Variants in SLC45A4 observed in about 807,000 individuals in gnomAD.
The protein encoded by SLC45A4 is polyamine-transporter SLC45A4.
A neutral mutation model predicts 63.7 loss-of-function variants in SLC45A4; 32 were observed. That is an observed-to-expected ratio of 0.50 (90% CI 0.38 to 0.67). SLC45A4 has a LOEUF of 0.67. Ranked by LOEUF, SLC45A4 falls within the 30% of genes least tolerant of loss-of-function variation. The pLI is 0.00. For missense variants in SLC45A4, 1,027 were observed against 1,157.7 expected, an observed-to-expected ratio of 0.89 and a Z score of 1.64; for synonymous variants, 535 against 510.0, an observed-to-expected ratio of 1.05 and a Z score of -0.66.
At position 141,218,454 on chromosome 8, in the gene SLC45A4, C is replaced by T. The variant is rs754930729; in HGVS notation, c.1186G>A (p.Gly396Ser). 15 of 1,612,718 alleles carry T rather than the reference C, an allele frequency of 9.3e-6. No homozygotes were observed. Among genetic ancestry groups the T allele is most frequent in the South Asian group, 3.3e-5 (3 of 91,086 alleles). ...GSGSPTKDAL[G>S]GYTRVDTKPS... ...TTCGTGTCCACCCTGGTGTAGCCGCCGAGGGCGTCTTTTGTGGGGGAGCCA... is the reference window on the plus strand; with the variant it reads ...TTCGTGTCCACCCTGGTGTAGCCGCTGAGGGCGTCTTTTGTGGGGGAGCCA... The change falls in exon 5 of 9, where the codon GGC becomes AGC. Residue 396 changes from glycine to serine, a missense_variant. Gly to Ser is a moderately conservative substitution (Grantham distance 56, BLOSUM62 0). Transcript: ENST00000517878.
chr8:141,230,209 C>A, intron 2 of SLC45A4: 1 of 444,948 alleles, frequency 2.2e-6, no homozygotes, highest in Non-Finnish European at 4.5e-6. Context: ...TTCTGCATCA[C>A]CGACTCAAAT....
At chr8:141,220,292 C>T (rs994535714) in intron 3 of SLC45A4, among the ~76,000 whole-genome samples, 7 of 152,120 alleles carry the variant, frequency 4.6e-5, no homozygotes, top group Admixed American at 1.3e-4. Flanking sequence ...CAGGGGGTCT[C>T]GCTGGGCCTG....
rs774877091 is a variant in SLC45A4, at chr8:141,221,614, G to A, written c.393C>T (p.Leu131=). Residue 131 remains leucine (L), a synonymous_variant, in exon 3 of 9, where the codon CTC becomes CTT. Coordinates refer to ENST00000517878, the MANE Select transcript of SLC45A4 (RefSeq NM_001286646.2). ...PFILALCVGV[L]FGVALFLNGS... Reference sequence around the variant, plus strand: ...CGTTAAGGAAAAGTGCAACGCCAAAGAGGACGCCAACGCAGAGGGCGAGGA... The same window carrying A: ...CGTTAAGGAAAAGTGCAACGCCAAAAAGGACGCCAACGCAGAGGGCGAGGA... The A allele has an allele frequency of 2.5e-6, 4 of 1,613,760 alleles. No individual in the cohort carries two copies. The highest frequency in any genetic ancestry group is 1.7e-6 in the Non-Finnish European group (2 of 1,180,038).
At chr8:141,283,673 G>A (rs1048166396) in intron 1 of SLC45A4, among the ~76,000 whole-genome samples, 4 of 152,212 alleles carry the variant, frequency 2.6e-5, no homozygotes, top group Admixed American at 6.5e-5. Flanking sequence ...AGTGACTGCT[G>A]GGCAGCTTGA....
chr8:141,264,051 T>C (rs1345980920), intron 1 of SLC45A4, among the ~76,000 whole-genome samples: 2 of 152,164 alleles, frequency 1.3e-5, no homozygotes, highest in African/African-American at 4.8e-5. Flanking sequence ...GACAGGTTCC[T>C]GGGTCCACAG....
At chr8:141,238,474 T>C (rs978350075) in intron 2 of SLC45A4, among the ~76,000 whole-genome samples, 1 of 152,126 alleles carries the variant, frequency 6.6e-6, no homozygotes, top group Non-Finnish European at 1.5e-5. Flanking sequence ...TGCACTCCTC[T>C]TTCCTCCCCC....
At position 141,253,954 on chromosome 8, in the gene SLC45A4, A is replaced by T. The variant is rs1010198638; in HGVS notation, c.241+35T>A. On this transcript the variant is annotated intron_variant, in intron 2 of 8. Transcript: ENST00000517878. ...CGCCCAGTCCGCTAGCACTCCGCTC[A>T]GCGTTCACTGCGCACAGACGGGGAG... is the stretch of plus-strand genomic sequence containing the variant. The T allele has an allele frequency of 5.9e-6, 9 of 1,532,870 alleles. No individual in the cohort carries two copies. The Admixed American group carries it at 1.4e-4, about 23-fold the overall frequency. The allele number at this position is 1,532,870 out of a possible 1,614,324, so 95.0% of individuals were successfully genotyped here.
Position 141,256,608 on chromosome 8 carries a change from C to T in SLC45A4, c.-400-1979G>A. 3 of 456,274 alleles carry T rather than the reference C, an allele frequency of 6.6e-6. No individual in the cohort carries two copies. The highest frequency in any genetic ancestry group is 1.3e-5 in the Non-Finnish European group (3 of 226,972). 28.3% of individuals were successfully genotyped at this position (456,274 alleles called of 1,614,324 possible). ...CTGGCTCTTACGTCCCAGCTCTTCC[C>T]TACATCTTCTTTCACGCTGCAGCGG... On this transcript the variant is annotated intron_variant, in intron 1 of 8. Transcript: ENST00000517878. This position sits in a 1 kb window ranked among gnomAD's most constrained non-coding sequence, Gnocchi z 4.3.
In SLC45A4 at chr8:141,218,525, G is replaced by T; in HGVS notation, c.1115C>A (p.Thr372Asn). ...TTCATTCAAGTGATTATCCAGCAAG[G>T]TCTCGTCCTCCTTGGCGGCTTCCTT... is the stretch of plus-strand genomic sequence containing the variant. ...FLKEAAKEDE[T>N]LLDNHLNEAK... Residue 372 changes from threonine to asparagine, a missense_variant, in exon 5 of 9, where the codon ACC becomes AAC. Coordinates refer to ENST00000517878, the MANE Select transcript of SLC45A4 (RefSeq NM_001286646.2). 1 of 1,613,578 alleles carries T rather than the reference G, an allele frequency of 6.2e-7. No individual in the cohort carries two copies. The highest frequency in any genetic ancestry group is 8.5e-7 in the Non-Finnish European group (1 of 1,179,964).
intron 2 of SLC45A4, among the ~76,000 whole-genome samples, chr8:141,239,236 G>A (rs959795814): frequency 6.6e-6 from 1 of 152,170 alleles, no homozygotes; most frequent in African/African-American, 2.4e-5. Context: ...GCTGAGTGTG[G>A]TTTTTCAAAA....
chr8:141,296,350 A>G (rs1183862411), intron 1 of SLC45A4, among the ~76,000 whole-genome samples: 1 of 151,882 alleles, frequency 6.6e-6, no homozygotes, highest in Non-Finnish European at 1.5e-5. Flanking sequence ...ACAGTAATAA[A>G]TTAGCCGGGC....
rs143084964 is a variant in SLC45A4 at position 141,259,002 on chromosome 8, C to G, written c.-400-4373G>C. On this transcript the variant is annotated intron_variant, in intron 1 of 8. Transcript: ENST00000517878. Reference sequence around the variant, plus strand: ...AGCAAAGGCCCTGTGTCCTTAGTAACAGAGTCACAAGTCCACAGAAGGACA... The same window carrying G: ...AGCAAAGGCCCTGTGTCCTTAGTAAGAGAGTCACAAGTCCACAGAAGGACA... Among the ~76,000 whole-genome samples, 13 of 152,018 alleles carry G rather than the reference C, an allele frequency of 8.6e-5. No homozygotes were observed. In the South Asian group the frequency reaches 2.5e-3, roughly 29 times the overall value.
intron 1 of SLC45A4, among the ~76,000 whole-genome samples, chr8:141,262,806 C>T (rs1219189733): frequency 1.1e-4 from 16 of 149,660 alleles, no homozygotes; most frequent in South Asian, 1.1e-3. Context: ...GTCAGTGTGG[C>T]GATTCCTCAG....
chr8:141,216,987 G>A (rs754999158), intron 6 of SLC45A4, 103 bp downstream of exon 6: 190 of 1,190,258 alleles, frequency 1.6e-4, no homozygotes, highest in Middle Eastern at 1.4e-3. Context: ...AAGTCAGTGC[G>A]ACTGATGGCC....
At chr8:141,243,503 G>C (rs1828013694) in intron 2 of SLC45A4, among the ~76,000 whole-genome samples, 1 of 152,102 alleles carries the variant, frequency 6.6e-6, no homozygotes, top group Non-Finnish European at 1.5e-5. Context: ...ATACAGGCCG[G>C]GTGCAGTGGC....
chr8:141,277,806 ATTTTTTTGTAT>A (rs997151543), intron 1 of SLC45A4, among the ~76,000 whole-genome samples: 5 of 151,910 alleles, frequency 3.3e-5, no homozygotes, highest in African/African-American at 1.2e-4. Context: ...CGCCCGGCTA[ATTTTTTTGTAT>A]TTTTTTTGTA....
chr8:141,245,226 G>A (rs983835968), intron 2 of SLC45A4, among the ~76,000 whole-genome samples: 6 of 152,210 alleles, frequency 3.9e-5, no homozygotes, highest in Non-Finnish European at 7.3e-5. Context: ...TATCTGCTGA[G>A]ATAAGTAAGG....
Position 141,254,694 on chromosome 8 carries a change from C to A in SLC45A4, c.-400-65G>T, listed in dbSNP as rs527736345. ...ACGGCCACCAGATGGCCCTGTGGACCGCCGCCCGACCCCCGAGCAAGCCGT... is the reference window on the plus strand; with the variant it reads ...ACGGCCACCAGATGGCCCTGTGGACAGCCGCCCGACCCCCGAGCAAGCCGT... On this transcript the variant is annotated intron_variant, in intron 1 of 8. Transcript: ENST00000517878. This position sits in a 1 kb window ranked among gnomAD's most constrained non-coding sequence, Gnocchi z 4.5. 1 of 693,634 alleles carries A rather than the reference C, an allele frequency of 1.4e-6. No homozygotes were observed. The allele number at this position is 693,634 out of a possible 1,614,324, so 43.0% of individuals were successfully genotyped here. A position where few individuals can be genotyped will look rare whatever the true frequency, so the allele number is the denominator to read the frequency against.
At chr8:141,212,612 T>C (rs939410118) in intron 7 of SLC45A4, 56 bp from the exon 8 acceptor site, 15 of 1,523,318 alleles carry the variant, frequency 9.8e-6, no homozygotes, top group Non-Finnish European at 1.3e-5. Context: ...CTGCTACCCG[T>C]GCTTCACAAC....
Sources: allele counts gnomAD v4.1 joint callset (sites outside exome capture counted in the v4.1 genomes callset), GRCh38; gene constraint gnomAD v4.1.1; non-coding constraint Gnocchi (gnomAD v3.1); transcripts MANE v1.5; gene names NCBI Gene and HGNC (gene_info 2026-07-23, HGNC 2026-07-21).